Variants in TAB2 observed in about 807,000 individuals in gnomAD.
The protein encoded by TAB2 is TGF-beta-activated kinase 1 and MAP3K7-binding protein 2.
Under a neutral mutation model 65.0 loss-of-function variants are expected in TAB2, and 3 were observed. That is an observed-to-expected ratio of 0.05 (90% confidence interval 0.02 to 0.12). The LOEUF (loss-of-function observed/expected upper bound fraction) is 0.12, where lower values mean the gene tolerates loss of function less well. Ranked by LOEUF, TAB2 falls within the 10% of genes least tolerant of loss-of-function variation. TAB2 has a pLI of 1.00. For synonymous variants in TAB2, 298 were observed against 285.1 expected, an observed-to-expected ratio of 1.05 and a Z score of -0.46; for missense variants, 623 against 840.3, an observed-to-expected ratio of 0.74 and a Z score of 3.20.
chr6:149,376,121 T>A (rs1395805056), intron 2 of TAB2, among the ~76,000 whole-genome samples: 2 of 152,240 alleles, frequency 1.3e-5, no homozygotes, highest in Non-Finnish European at 2.9e-5. Flanking sequence ...TGTTTCTCTC[T>A]TGTGGCCAAA....
At chr6:149,322,042 A>G (rs1039545813) in intron 1 of TAB2, among the ~76,000 whole-genome samples, 1 of 152,164 alleles carries the variant, frequency 6.6e-6, no homozygotes, top group Non-Finnish European at 1.5e-5. Context: ...ATCCTGCATA[A>G]TAAAGAGAAA....
At position 149,253,492 on chromosome 6, in the gene TAB2, G is replaced by A. The variant is rs551755978; in HGVS notation, c.-121+34716G>A. On this transcript the variant is annotated intron_variant, in intron 1 of 1. Coordinates refer to the TAB2 transcript ENST00000606202. ...CACAACCATCAAAAATTAGCCGGGC[G>A]TGGTGGCACAAGCCTGTAATCCCAG... is the stretch of plus-strand genomic sequence containing the variant. Among the ~76,000 whole-genome samples the A allele has an allele frequency of 1.7e-4, 26 of 151,882 alleles. 1 individual carries two copies. Among genetic ancestry groups the A allele is most frequent in the African/African-American group, 1.2e-4 (5 of 41,328 alleles).
At chr6:149,373,318 A>G (rs1781291228) in intron 2 of TAB2, among the ~76,000 whole-genome samples, 1 of 152,180 alleles carries the variant, frequency 6.6e-6, no homozygotes, top group Non-Finnish European at 1.5e-5. Flanking sequence ...TAAAATTGGT[A>G]TTTCTTTTCA....
intron 2 of TAB2, among the ~76,000 whole-genome samples, chr6:149,374,242 T>C (rs1781327805): frequency 6.6e-6 from 1 of 152,184 alleles, no homozygotes; most frequent in African/African-American, 2.4e-5. Flanking sequence ...TTTTGGAGAC[T>C]GGGTCTCGCT....
chr6:149,297,688 A>T (rs558658017), intron 1 of TAB2, among the ~76,000 whole-genome samples: 154 of 152,100 alleles, frequency 1.0e-3, no homozygotes, highest in African/African-American at 3.5e-3. Context: ...CTACACTTGG[A>T]TAATTTTTTT....
At chr6:149,400,071 TAGAC>T (rs770462740) in intron 6 of TAB2, among the ~76,000 whole-genome samples, 2 of 152,220 alleles carry the variant, frequency 1.3e-5, no homozygotes, top group Non-Finnish European at 2.9e-5. Context: ...AGTTGTCAAA[TAGAC>T]AGGAAGCAAC....
At chr6:149,355,149 TG>T (rs1780615990) in intron 1 of TAB2, among the ~76,000 whole-genome samples, 1 of 152,194 alleles carries the variant, frequency 6.6e-6, no homozygotes, top group Admixed American at 6.5e-5. Context: ...TATACTTTTT[TG>T]TTTGGTCTCC....
At chr6:149,300,013 A>AT (rs537681811) in intron 1 of TAB2, among the ~76,000 whole-genome samples, 5 of 151,912 alleles carry the variant, frequency 3.3e-5, no homozygotes, top group African/African-American at 7.2e-5. Flanking sequence ...TAAAAAAGAA[A>AT]TTTTTTTTTA....
intron 1 of TAB2, among the ~76,000 whole-genome samples, chr6:149,369,243 A>G (rs897939751): frequency 2.6e-5 from 4 of 152,182 alleles, no homozygotes; most frequent in African/African-American, 7.2e-5. Flanking sequence ...GGTAGTTTTC[A>G]ACTTCGACCA....
At chr6:149,276,732 A>G in intron 1 of TAB2, among the ~76,000 whole-genome samples, 1 of 152,172 alleles carries the variant, frequency 6.6e-6, no homozygotes, top group Non-Finnish European at 1.5e-5. Flanking sequence ...AATTGGTAAA[A>G]CCCCAATGGA....
rs114882840 is a variant in TAB2, at chr6:149,271,820, C to T, written c.-121+53044C>T. On this transcript the variant is annotated intron_variant, in intron 1 of 1. Coordinates refer to the TAB2 transcript ENST00000606202. ...CGGACAACCAGAAAGCAGAAGCTGC[C>T]TTTTGCAAACTCAAAGTTACTTTTG... Among the ~76,000 whole-genome samples the T allele has an allele frequency of 3.4e-3, 520 of 152,196 alleles. 3 individuals are homozygous for T. Among genetic ancestry groups the T allele is most frequent in the African/African-American group, 0.012 (496 of 41,518 alleles).
chr6:149,237,019 A>C lies in TAB2; in HGVS notation c.-121+18243A>C, dbSNP rs145117643. Among the ~76,000 whole-genome samples the C allele has an allele frequency of 5.3e-3, 808 of 152,324 alleles. 5 individuals are homozygous for C. Among genetic ancestry groups the C allele is most frequent in the African/African-American group, 0.019 (773 of 41,558 alleles). On this transcript the variant is annotated intron_variant, in intron 1 of 1. Transcript: ENST00000606202. Reference sequence around the variant, plus strand: ...TCTCTTTATTTTTTAAATTGGCCTAAGTAAAATTGTTTAATTTATTTGCAT... The same window carrying C: ...TCTCTTTATTTTTTAAATTGGCCTACGTAAAATTGTTTAATTTATTTGCAT...
intron 1 of TAB2, among the ~76,000 whole-genome samples, chr6:149,309,269 C>T (rs186947049): frequency 1.1e-5 from 1 of 91,718 alleles, no homozygotes; most frequent in African/African-American, 5.0e-5. Flanking sequence ...TTTATATATG[C>T]TGTTTTACAT....
At chr6:149,368,115 A>G (rs1781098670) in intron 1 of TAB2, among the ~76,000 whole-genome samples, 5 of 152,294 alleles carry the variant, frequency 3.3e-5, no homozygotes, top group Admixed American at 2.6e-4. Context: ...ACCAACATTC[A>G]GATGTCCAGA....
intron 1 of TAB2, among the ~76,000 whole-genome samples, chr6:149,232,235 AT>A (rs972293695): frequency 3.3e-4 from 49 of 147,856 alleles, no homozygotes; most frequent in East Asian, 4.0e-4. Flanking sequence ...AGGGAGTTTG[AT>A]TTTTTTTTTT....
At chr6:149,316,404 A>T (rs1429892826), upstream of TAB2, among the ~76,000 whole-genome samples, 1 of 152,230 alleles carries the variant, frequency 6.6e-6, no homozygotes, top group Non-Finnish European at 1.5e-5. Context: ...GGTTTAAAAA[A>T]AATTCTCACT....
intron 1 of TAB2, among the ~76,000 whole-genome samples, chr6:149,249,865 T>C (rs1777824354): frequency 1.3e-5 from 2 of 152,212 alleles, no homozygotes; most frequent in Admixed American, 1.3e-4. Flanking sequence ...CTACTACTAA[T>C]AATAAAATTC....
At chr6:149,390,025 A>C (rs1272173586) in intron 3 of TAB2, among the ~76,000 whole-genome samples, 1 of 152,216 alleles carries the variant, frequency 6.6e-6, no homozygotes, top group Non-Finnish European at 1.5e-5. Flanking sequence ...ATCTGATTTC[A>C]AATTGCCTTT....
At chr6:149,369,836 T>A in intron 1 of TAB2, 73 bp from the exon 2 acceptor site, 1 of 650,586 alleles carries the variant, frequency 1.5e-6, no homozygotes. Flanking sequence ...TCTTTTGTAC[T>A]GAAATTTTAA....
Sources: allele counts gnomAD v4.1 joint callset (sites outside exome capture counted in the v4.1 genomes callset), GRCh38; gene constraint gnomAD v4.1.1; transcripts MANE v1.5; gene names NCBI Gene and HGNC (gene_info 2026-07-23, HGNC 2026-07-21).